PRICKLE2: variants seen among roughly 807,000 people sequenced by gnomAD.
PRICKLE2 encodes prickle-like protein 2.
Under a neutral mutation model 81.4 loss-of-function variants are expected in PRICKLE2, and 21 were observed. That is an observed-to-expected ratio of 0.26 (90% CI 0.18 to 0.37). The LOEUF is 0.37. PRICKLE2 is among the 10% of genes least tolerant of loss of function. The pLI, the probability that PRICKLE2 is intolerant of heterozygous loss-of-function variation, is 1.00. For synonymous variants in PRICKLE2, 456 were observed against 421.5 expected (o/e 1.08, Z -1.00); for missense variants, 940 against 1,109.0 (o/e 0.85, Z 2.16).
In PRICKLE2 at chr3:64,146,962, C is replaced by T. The variant is rs777124617; in HGVS notation, c.1528G>A (p.Glu510Lys). The change falls in exon 7 of 8, where the codon GAA becomes AAA. Residue 510 changes from glutamate to lysine, a missense_variant. By Grantham distance (56) the Glu-to-Lys change is moderately conservative (BLOSUM62 1). Transcript: ENST00000638394. ...VPKYEEEEEE[E>K]GGLSTQQCRT... is the part of the protein sequence containing the mutation. Reference sequence around the variant, plus strand: ...CACTGCTGAGTGGACAAGCCCCCTTCCTCTTCCTCTTCCTCCTCATATTTG... The same window carrying T: ...CACTGCTGAGTGGACAAGCCCCCTTTCTCTTCCTCTTCCTCCTCATATTTG... 7 of 1,613,940 alleles carry T rather than the reference C, an allele frequency of 4.3e-6. No homozygotes were observed. In the East Asian group the frequency reaches 1.6e-4, roughly 36 times the overall value.
rs2077573015 is a variant in PRICKLE2, at chr3:64,153,103, CAA to C, written c.787+77_787+78del. On this transcript the variant is annotated intron_variant, in intron 6 of 7. Coordinates refer to ENST00000638394, the MANE Select transcript of PRICKLE2 (RefSeq NM_198859.4). ...GAGTTGGGTTTCTAACACTTGCAAT[CAA>C]AGATACTTTAACTACACCCAAAACA... The C allele has an allele frequency of 3.7e-6, 5 of 1,341,958 alleles. No homozygotes were observed. In the South Asian group the frequency reaches 5.9e-5, roughly 16 times the overall value. The allele number at this position is 1,341,958 out of a possible 1,614,324, so 83.1% of individuals were successfully genotyped here.
At chr3:64,137,441 A>T (rs2077295084) in intron 7 of PRICKLE2, among the ~76,000 whole-genome samples, 1 of 152,164 alleles carries the variant, frequency 6.6e-6, no homozygotes. Flanking sequence ...AGAGAATAAA[A>T]TCAGCAATCT....
intron 7 of PRICKLE2, among the ~76,000 whole-genome samples, chr3:64,111,681 T>C (rs192628187): frequency 6.6e-6 from 1 of 152,344 alleles, no homozygotes; most frequent in East Asian, 1.9e-4. Context: ...ATGTACAGTA[T>C]ATCCCATTTA....
At chr3:64,198,302 G>A (rs563752491) in intron 2 of PRICKLE2, among the ~76,000 whole-genome samples, 1 of 152,052 alleles carries the variant, frequency 6.6e-6, no homozygotes, top group East Asian at 1.9e-4. Flanking sequence ...AAACGTTTTT[G>A]TTGGACATAG....
intron 7 of PRICKLE2, among the ~76,000 whole-genome samples, chr3:64,134,623 G>A (rs987431582): frequency 5.2e-5 from 7 of 135,012 alleles, no homozygotes; most frequent in Non-Finnish European, 1.0e-4. Context: ...TCCAAACTTC[G>A]AAGTGTTCCC....
At chr3:64,159,905 A>T in intron 4 of PRICKLE2, 35 bp downstream of exon 4, 1 of 1,613,564 alleles carries the variant, frequency 6.2e-7, no homozygotes, top group Admixed American at 1.7e-5. Flanking sequence ...AGATGCCAGA[A>T]CAATGCCTCT....
At chr3:64,166,697 C>T (rs1176609411) in intron 2 of PRICKLE2, among the ~76,000 whole-genome samples, 4 of 152,138 alleles carry the variant, frequency 2.6e-5, no homozygotes, top group East Asian at 3.8e-4. Context: ...TAGCAAGATG[C>T]CCCATTTCTA....
chr3:64,203,207 T>C (rs1292804768), intron 1 of PRICKLE2, among the ~76,000 whole-genome samples: 1 of 152,146 alleles, frequency 6.6e-6, no homozygotes, highest in Non-Finnish European at 1.5e-5. Context: ...CTCGTTTGCA[T>C]CTCCAACTCA....
At chr3:64,191,576 G>A (rs1265705210) in intron 2 of PRICKLE2, among the ~76,000 whole-genome samples, 4 of 152,224 alleles carry the variant, frequency 2.6e-5, no homozygotes, top group Non-Finnish European at 5.9e-5. Context: ...AAGACAGGAA[G>A]AGTAATTACT....
At chr3:64,178,334 T>C (rs2078060396) in intron 2 of PRICKLE2, among the ~76,000 whole-genome samples, 2 of 152,168 alleles carry the variant, frequency 1.3e-5, no homozygotes, top group African/African-American at 2.4e-5. Context: ...TATCCTCCTA[T>C]AGGTAGGCAG....
chr3:64,157,130 G>T, intron 5 of PRICKLE2, 32 bp downstream of exon 5: 1 of 1,593,550 alleles, frequency 6.3e-7, no homozygotes, highest in South Asian at 1.1e-5. Flanking sequence ...AAGGGGTGAT[G>T]GGCAGGTAAA....
At chr3:64,214,180 T>C (rs116266583) in intron 1 of PRICKLE2, among the ~76,000 whole-genome samples, 15 of 152,160 alleles carry the variant, frequency 9.9e-5, no homozygotes, top group African/African-American at 3.1e-4. Context: ...ATTCTGGCAA[T>C]GGTCACACCC....
intron 6 of PRICKLE2, among the ~76,000 whole-genome samples, chr3:64,152,217 A>C (rs2077559061): frequency 6.6e-6 from 1 of 151,996 alleles, no homozygotes; most frequent in African/African-American, 2.4e-5. Context: ...GTATCTCCTC[A>C]CTCTAGGTAA....
At chr3:64,265,667 A>G (rs1054657130) in intron 2 of PRICKLE2, among the ~76,000 whole-genome samples, 1 of 152,166 alleles carries the variant, frequency 6.6e-6, no homozygotes, top group Admixed American at 6.5e-5. Flanking sequence ...GATGTACTTC[A>G]GGGCAAACCC....
intron 2 of PRICKLE2, among the ~76,000 whole-genome samples, chr3:64,232,038 G>T (rs568189069): frequency 6.6e-6 from 1 of 152,210 alleles, no homozygotes; most frequent in Non-Finnish European, 1.5e-5. Flanking sequence ...AACACAGAAG[G>T]TTCCCTGTGC....
At chr3:64,182,629 AT>A (rs947191465) in intron 2 of PRICKLE2, 1 of 152,216 alleles carries the variant, frequency 6.6e-6, no homozygotes, top group African/African-American at 2.4e-5. Flanking sequence ...CCCTCACCAG[AT>A]GCTGGTGCCT....
chr3:64,248,457 T>G (rs2079392509), intron 2 of PRICKLE2, among the ~76,000 whole-genome samples: 1 of 152,170 alleles, frequency 6.6e-6, no homozygotes, highest in African/African-American at 2.4e-5. Context: ...TGCAGTAAGT[T>G]GCAGGCTAAT....
At chr3:64,194,865 G>A (rs997351032) in intron 2 of PRICKLE2, among the ~76,000 whole-genome samples, 1 of 151,908 alleles carries the variant, frequency 6.6e-6, no homozygotes, top group Non-Finnish European at 1.5e-5. Flanking sequence ...AACATAGTGA[G>A]ACCCCCTTCT....
intron 1 of PRICKLE2, among the ~76,000 whole-genome samples, chr3:64,214,188 C>T (rs1023120334): frequency 1.3e-5 from 2 of 152,118 alleles, no homozygotes; most frequent in Non-Finnish European, 2.9e-5. Flanking sequence ...AATGGTCACA[C>T]CCTTCAAAAC....
Sources: allele counts gnomAD v4.1 joint callset (sites outside exome capture counted in the v4.1 genomes callset), GRCh38; gene constraint gnomAD v4.1.1; transcripts MANE v1.5; gene names NCBI Gene and HGNC (gene_info 2026-07-23, HGNC 2026-07-21).